The following CEP78 variants were observed in gnomAD, a reference collection of about 807,000 sequenced individuals.
CEP78 encodes centrosomal protein 78.
Under a neutral mutation model 81.2 loss-of-function variants are expected in CEP78, and 76 were observed. The ratio of observed to expected loss-of-function variants is 0.94; its 90% CI spans 0.78 to 1.13. The LOEUF is 1.13. Ranked by LOEUF, CEP78 falls within the 50% of genes most tolerant of loss-of-function variation. The pLI is 0.00. For synonymous variants in CEP78, 293 were observed against 301.4 expected, an observed-to-expected ratio of 0.97 and a Z score of 0.29; for missense variants, 918 against 846.8, an observed-to-expected ratio of 1.08 and a Z score of -1.04.
Position 78,279,355 on chromosome 9 carries a change from T to G in CEP78, c.*8504T>G, listed in dbSNP as rs553073153. The G allele has an allele frequency of 6.6e-6, 1 of 152,334 alleles. No homozygotes were observed. Among genetic ancestry groups the G allele is most frequent in the East Asian group, 1.9e-4 (1 of 5,174 alleles). The allele number at this position is 152,334 out of a possible 1,614,324, so 9.4% of individuals were successfully genotyped here. On this transcript the variant is annotated 3_prime_UTR_variant, in exon 17 of 17. Coordinates refer to ENST00000643273, the MANE Select transcript of CEP78 (RefSeq NM_001330691.3). ...CAGTTTGCCAAATAACCAGCTCTAA[T>G]TTCTTTATACCAAAGCCAAACTTCA...
rs1827858571 is a variant in CEP78, at chr9:78,279,106, A to T, written c.*8255A>T. 1 of 151,884 alleles carries T rather than the reference A, an allele frequency of 6.6e-6. No individual in the cohort carries two copies. Among genetic ancestry groups the T allele is most frequent in the Non-Finnish European group, 1.5e-5 (1 of 68,010 alleles). The allele number at this position is 151,884 out of a possible 1,614,324, so 9.4% of individuals were successfully genotyped here. A position where few individuals can be genotyped will look rare whatever the true frequency, so the allele number is the denominator to read the frequency against. On this transcript the variant is annotated 3_prime_UTR_variant, in exon 17 of 17. Transcript: ENST00000643273. ...GGCAACCTTGGTAGTTTAGAAATAGATAAGGACCCACTTATAGATTAAATA... is the reference window on the plus strand; with the variant it reads ...GGCAACCTTGGTAGTTTAGAAATAGTTAAGGACCCACTTATAGATTAAATA...
chr9:78,268,792 G>A (rs1043066892), intron 16 of CEP78, among the ~76,000 whole-genome samples: 1 of 151,572 alleles, frequency 6.6e-6, no homozygotes, highest in African/African-American at 2.4e-5. Context: ...CAGTAGCTGG[G>A]ACTAGAGGTG....
intron 4 of CEP78, among the ~76,000 whole-genome samples, chr9:78,242,880 G>T (rs543108320): frequency 6.6e-6 from 1 of 152,244 alleles, no homozygotes; most frequent in Admixed American, 6.5e-5. Context: ...TCTAAATTTG[G>T]TGTGCATACC....
chr9:78,271,044 A>C lies in CEP78; in HGVS notation c.*193A>C, dbSNP rs1488340039. ...TTGCCACCAGGCTAAGAAAGCAGCT[A>C]TCTGAAGTGGGAGCTCTGACCCAAG... On this transcript the variant is annotated 3_prime_UTR_variant, in exon 17 of 17. Transcript: ENST00000643273. The C allele has an allele frequency of 2.1e-6, 1 of 478,944 alleles. No individual in the cohort carries two copies. Among genetic ancestry groups the C allele is most frequent in the East Asian group, 3.5e-5 (1 of 28,444 alleles). 29.7% of individuals were successfully genotyped at this position (478,944 alleles called of 1,614,324 possible).
chr9:78,241,167 G>T (rs941824594), intron 3 of CEP78, among the ~76,000 whole-genome samples: 3 of 152,072 alleles, frequency 2.0e-5, no homozygotes, highest in Admixed American at 6.5e-5. Flanking sequence ...GAAGTCTTGT[G>T]TTCGTTGTGT....
In CEP78 at chr9:78,273,105, GAAAC is replaced by G. The variant is rs1313740282; in HGVS notation, c.*2257_*2260del. On this transcript the variant is annotated 3_prime_UTR_variant, in exon 17 of 17. Coordinates refer to ENST00000643273, the MANE Select transcript of CEP78 (RefSeq NM_001330691.3). ...GGTCCAACAAGACGGGAAAGAAAAA[GAAAC>G]AAGCTACATAGAAATAAAAAATCCA... 1 of 152,092 alleles carries G rather than the reference GAAAC, an allele frequency of 6.6e-6. No homozygotes were observed. The highest frequency in any genetic ancestry group is 1.9e-4 in the East Asian group (1 of 5,196). The allele number at this position is 152,092 out of a possible 1,614,324, so 9.4% of individuals were successfully genotyped here. A position where few individuals can be genotyped will look rare whatever the true frequency, so the allele number is the denominator to read the frequency against.
In CEP78 at chr9:78,270,706, A is replaced by T. The variant is rs1401452446; in HGVS notation, c.2108-135A>T. 2.3e-5 allele frequency: 12 copies of T among 527,594 alleles called. No homozygotes were observed. In the Admixed American group the frequency reaches 4.8e-4, roughly 21 times the overall value. The allele number at this position is 527,594 out of a possible 1,614,324, so 32.7% of individuals were successfully genotyped here. A position where few individuals can be genotyped will look rare whatever the true frequency, so the allele number is the denominator to read the frequency against. ...CAAATGGGTATTTACAGAATCTCTA[A>T]TCTCAAGACAGTAACACTTGATTTT... is the stretch of plus-strand genomic sequence containing the variant. On this transcript the variant is annotated intron_variant, in intron 16 of 16. Coordinates refer to ENST00000643273, the MANE Select transcript of CEP78 (RefSeq NM_001330691.3).
chr9:78,270,898 AC>A lies in CEP78; in HGVS notation c.*49del. The A allele has an allele frequency of 1.5e-6, 1 of 663,586 alleles. No homozygotes were observed. The highest frequency in any genetic ancestry group is 1.7e-5 in the South Asian group (1 of 58,564). 41.1% of individuals were successfully genotyped at this position (663,586 alleles called of 1,614,324 possible). A position where few individuals can be genotyped will look rare whatever the true frequency, so the allele number is the denominator to read the frequency against. The stretch of plus-strand genomic sequence containing the variant: ...ATAAAAATAATAGCAGAGTTGGAAA[AC>A]CAGAAATTTGAACAGTGAAATTTCT... On this transcript the variant is annotated 3_prime_UTR_variant, in exon 17 of 17. Transcript: ENST00000643273.
In CEP78 at chr9:78,254,953, G is replaced by T. The variant is rs996333495; in HGVS notation, c.1369G>T (p.Glu457Ter). Residue 457 changes from glutamate (E) to a stop codon, truncating the protein, a stop_gained, in exon 11 of 17, where the codon GAA (glutamate) becomes TAA (stop). Coordinates refer to ENST00000643273, the MANE Select transcript of CEP78 (RefSeq NM_001330691.3). LOFTEE classifies it high-confidence loss of function. ...EVPEKTSIEQ[E>*]ALQEKLEECL... is the part of the protein sequence containing the mutation. ...GCCTGAGAAAACTAGTATAGAACAAGAAGCATTACAGGTACAAAGCTATCA... is the reference window on the plus strand; with the variant it reads ...GCCTGAGAAAACTAGTATAGAACAATAAGCATTACAGGTACAAAGCTATCA... 6.2e-7 allele frequency: 1 copy of T among 1,609,812 alleles called. No homozygotes were observed. The highest frequency in any genetic ancestry group is 8.5e-7 in the Non-Finnish European group (1 of 1,177,438).
At chr9:78,260,106 G>A (rs1302179259) in intron 11 of CEP78, among the ~76,000 whole-genome samples, 1 of 152,176 alleles carries the variant, frequency 6.6e-6, no homozygotes, top group Non-Finnish European at 1.5e-5. Context: ...ACAGAGTAGA[G>A]GTGATATATC....
intron 8 of CEP78, chr9:78,250,183 C>A: frequency 2.5e-6 from 1 of 397,886 alleles, no homozygotes; most frequent in Non-Finnish European, 4.4e-6. Flanking sequence ...CTGAAGTTTA[C>A]AAGCTCACTG....
intron 5 of CEP78, among the ~76,000 whole-genome samples, chr9:78,246,047 A>C (rs1826462993): frequency 6.6e-6 from 1 of 152,144 alleles, no homozygotes; most frequent in African/African-American, 2.4e-5. Flanking sequence ...GTTAATTATG[A>C]ACAAATATTC....
At position 78,252,001 on chromosome 9, in the gene CEP78, G is replaced by C; in HGVS notation, c.1163G>C (p.Gly388Ala). 6.2e-7 allele frequency: 1 copy of C among 1,605,014 alleles called. No homozygotes were observed. The highest frequency in any genetic ancestry group is 8.5e-7 in the Non-Finnish European group (1 of 1,173,518). The stretch of plus-strand genomic sequence containing the variant: ...GCACCTCTTCCACCTGGTGTGTCTG[G>C]TTTCTTGCCGTGGCGTACTGCAGAA... The part of the protein sequence containing the change: ...APAPLPPGVS[G>A]FLPWRTAERA... The change falls in exon 9 of 17, where the codon GGT becomes GCT. Residue 388 changes from glycine (G) to alanine (A), a missense_variant. By Grantham distance (60) the Gly-to-Ala change is moderately conservative. Coordinates refer to ENST00000643273, the MANE Select transcript of CEP78 (RefSeq NM_001330691.3).
At chr9:78,239,959 C>T in intron 1 of CEP78, 64 bp from the exon 2 acceptor site, 1 of 1,327,270 alleles carries the variant, frequency 7.5e-7, no homozygotes, top group Non-Finnish European at 1.0e-6. Flanking sequence ...TAGCACAGAG[C>T]AGATGTTTTT....
At chr9:78,244,032 AT>A (rs1243319538) in intron 5 of CEP78, among the ~76,000 whole-genome samples, 1 of 151,518 alleles carries the variant, frequency 6.6e-6, no homozygotes, top group African/African-American at 2.4e-5. Context: ...TAATAGTTTA[AT>A]TCCCTACTAT....
intron 9 of CEP78, among the ~76,000 whole-genome samples, chr9:78,252,612 T>G: frequency 6.6e-6 from 1 of 152,206 alleles, no homozygotes; most frequent in East Asian, 1.9e-4. Context: ...ATTAGATTAC[T>G]ATAAATTATT....
chr9:78,274,819 T>G lies in CEP78; in HGVS notation c.*3968T>G, dbSNP rs1034239306. Reference sequence around the variant, plus strand: ...GAATTAATAAAAACTTCTCTAAAGCTGAGGAATTCTACCAAAGAGGTGTTA... The same window carrying G: ...GAATTAATAAAAACTTCTCTAAAGCGGAGGAATTCTACCAAAGAGGTGTTA... On this transcript the variant is annotated 3_prime_UTR_variant, in exon 17 of 17. Coordinates refer to ENST00000643273, the MANE Select transcript of CEP78 (RefSeq NM_001330691.3). 6.6e-6 allele frequency: 1 copy of G among 152,162 alleles called. No homozygotes were observed. The highest frequency in any genetic ancestry group is 2.4e-5 in the African/African-American group (1 of 41,460). The allele number at this position is 152,162 out of a possible 1,614,324, so 9.4% of individuals were successfully genotyped here.
At chr9:78,267,326 T>C (rs1174384932) in intron 16 of CEP78, among the ~76,000 whole-genome samples, 1 of 151,872 alleles carries the variant, frequency 6.6e-6, no homozygotes, top group African/African-American at 2.4e-5. Flanking sequence ...CAAAGCAGAG[T>C]ACGATGAATA....
rs1447386671 is a variant in CEP78, at chr9:78,273,251, A to G, written c.*2400A>G. ...CTGTGTGCTATTTGCAAAATCTAAA[A>G]CGCTGTCATAGATTATAAAGAGATG... On this transcript the variant is annotated 3_prime_UTR_variant, in exon 17 of 17. Transcript: ENST00000643273. 1 of 152,162 alleles carries G rather than the reference A, an allele frequency of 6.6e-6. No homozygotes were observed. The highest frequency in any genetic ancestry group is 1.9e-4 in the East Asian group (1 of 5,194). The allele number at this position is 152,162 out of a possible 1,614,324, so 9.4% of individuals were successfully genotyped here.
Sources: allele counts gnomAD v4.1 joint callset (sites outside exome capture counted in the v4.1 genomes callset), GRCh38; gene constraint gnomAD v4.1.1; transcripts MANE v1.5; gene names NCBI Gene and HGNC (gene_info 2026-07-23, HGNC 2026-07-21).